RNF175: variants seen among roughly 807,000 people sequenced by gnomAD.
RNF175 encodes the protein ring finger protein 175.
In RNF175, 38 loss-of-function variants were observed where a neutral mutation model predicts 50.0. The ratio of observed to expected loss-of-function variants is 0.76; its 90% CI spans 0.59 to 1.00. The LOEUF (loss-of-function observed/expected upper bound fraction) is 1.00. Among genes scored for constraint, RNF175 ranks in the 50% least tolerant of loss-of-function variants. The probability of loss-of-function intolerance (pLI) is 0.00; values close to 1 mark genes in which losing one functional copy is unlikely to be tolerated. For synonymous variants in RNF175, 155 were observed against 146.1 expected, an observed-to-expected ratio of 1.06 and a Z score of -0.44; for missense variants, 388 against 409.6, an observed-to-expected ratio of 0.95 and a Z score of 0.46.
rs112645331 is a variant in RNF175 at position 153,742,236 on chromosome 4, T to C, written c.246+6409A>G. Among the ~76,000 whole-genome samples the C allele has an allele frequency of 8.5e-4, 116 of 135,900 alleles. 2 individuals are homozygous for C. Among genetic ancestry groups the C allele is most frequent in the African/African-American group, 3.1e-3 (110 of 35,538 alleles). 89.2% of individuals were successfully genotyped at this position (135,900 alleles called of 152,430 possible). A position where few individuals can be genotyped will look rare whatever the true frequency, so the allele number is the denominator to read the frequency against. On this transcript the variant is annotated intron_variant, in intron 3 of 8. Coordinates refer to ENST00000347063, the MANE Select transcript of RNF175 (RefSeq NM_173662.4). ...TTGCAGTGAGCCGAGATCATGCCACTGCACTCCACCTGGGTGACAGAGTGA... is the reference window on the plus strand; with the variant it reads ...TTGCAGTGAGCCGAGATCATGCCACCGCACTCCACCTGGGTGACAGAGTGA...
chr4:153,733,897 T>G (rs1195980049), intron 3 of RNF175, among the ~76,000 whole-genome samples: 2 of 152,196 alleles, frequency 1.3e-5, no homozygotes, highest in Non-Finnish European at 2.9e-5. Flanking sequence ...AACCACTGAT[T>G]GTTTTGCTGT....
intron 6 of RNF175, among the ~76,000 whole-genome samples, chr4:153,719,787 TCAA>T (rs892609753): frequency 1.3e-5 from 2 of 152,216 alleles, no homozygotes; most frequent in Admixed American, 1.3e-4. Flanking sequence ...TTATGCATCA[TCAA>T]CTATAGTTTT....
intron 6 of RNF175, among the ~76,000 whole-genome samples, chr4:153,717,517 A>G (rs1738007588): frequency 9.2e-6 from 1 of 108,150 alleles, no homozygotes; most frequent in African/African-American, 3.2e-5. Context: ...TAACACACAC[A>G]CACAGATACA....
At chr4:153,722,955 C>CAG (rs1490720444) in intron 5 of RNF175, among the ~76,000 whole-genome samples, 1 of 152,018 alleles carries the variant, frequency 6.6e-6, no homozygotes, top group East Asian at 1.9e-4. Flanking sequence ...GAGCTAGTGG[C>CAG]TACTATACTG....
chr4:153,728,191 T>G lies in RNF175; in HGVS notation c.401+16A>C. 1 of 1,567,778 alleles carries G rather than the reference T, an allele frequency of 6.4e-7. No homozygotes were observed. On this transcript the variant is annotated intron_variant, in intron 4 of 8. Transcript: ENST00000347063. ...AATAAAGGGGCTCCTGGGGAAGGAATGTATGGAATACATACCGTGGTGTCC... is the reference window on the plus strand; with the variant it reads ...AATAAAGGGGCTCCTGGGGAAGGAAGGTATGGAATACATACCGTGGTGTCC...
At chr4:153,727,103 G>A (rs1738743741) in intron 4 of RNF175, among the ~76,000 whole-genome samples, 2 of 152,254 alleles carry the variant, frequency 1.3e-5, no homozygotes, top group Non-Finnish European at 2.9e-5. Flanking sequence ...ATATCCAGGG[G>A]ATGAAAACAA....
chr4:153,715,567 C>A lies in RNF175; in HGVS notation c.726G>T (p.Gly242=). The A allele has an allele frequency of 1.2e-6, 2 of 1,611,610 alleles. No homozygotes were observed. Among genetic ancestry groups the A allele is most frequent in the South Asian group, 2.2e-5 (2 of 90,568 alleles). ...AAAGCTGGTAGGTGTTTTCAATGAG[C>A]CCTTCTTCATCAAGCTCCACAATGA... is the stretch of plus-strand genomic sequence containing the variant. ...QKIIVELDEE[G]LIENTYQLSC... is the part of the protein sequence containing the mutation. Residue 242 remains glycine (G), a synonymous_variant, in exon 7 of 9, where the codon GGG becomes GGT. Transcript: ENST00000347063.
chr4:153,716,723 A>G (rs186585277), intron 6 of RNF175, among the ~76,000 whole-genome samples: 30 of 152,366 alleles, frequency 2.0e-4, no homozygotes, highest in Non-Finnish European at 4.0e-4. Context: ...AGAAATTTGC[A>G]GAGCAGGTTG....
chr4:153,734,448 G>A (rs1007681604), intron 3 of RNF175, among the ~76,000 whole-genome samples: 1 of 151,896 alleles, frequency 6.6e-6, no homozygotes, highest in Admixed American at 6.6e-5. Flanking sequence ...GAGATGATGA[G>A]CTCCTTTTCA....
At chr4:153,757,701 C>T (rs1268762120) in intron 1 of RNF175, among the ~76,000 whole-genome samples, 1 of 151,804 alleles carries the variant, frequency 6.6e-6, no homozygotes, top group Non-Finnish European at 1.5e-5. Flanking sequence ...GAAATCCGAG[C>T]CTGGAAAGCA....
intron 3 of RNF175, among the ~76,000 whole-genome samples, chr4:153,743,111 G>A (rs1739766220): frequency 6.6e-6 from 1 of 152,136 alleles, no homozygotes; most frequent in Admixed American, 6.5e-5. Flanking sequence ...TAGTGTATCA[G>A]GCCGTAGTTT....
chr4:153,720,663 G>T, intron 5 of RNF175: 1 of 195,570 alleles, frequency 5.1e-6, no homozygotes, highest in Non-Finnish European at 1.1e-5. Context: ...TAACTCCAAT[G>T]GGCAGCTAAC....
rs1740748955 is a variant in RNF175, at chr4:153,759,908, G to C, written c.-46C>G. 5 of 1,202,332 alleles carry C rather than the reference G, an allele frequency of 4.2e-6. No homozygotes were observed. The highest frequency in any genetic ancestry group is 8.3e-5 in the Admixed American group (2 of 24,054). The allele number at this position is 1,202,332 out of a possible 1,614,324, so 74.5% of individuals were successfully genotyped here. A position where few individuals can be genotyped will look rare whatever the true frequency, so the allele number is the denominator to read the frequency against. On this transcript the variant is annotated 5_prime_UTR_variant, in exon 1 of 9. Transcript: ENST00000347063. ...TCCAGGGCACAGCGCCTGCCGGGGA[G>C]GGTCCCGCAGAGTCCGCAGAAGGAG...
intron 3 of RNF175, among the ~76,000 whole-genome samples, chr4:153,744,349 G>C (rs1739851912): frequency 6.6e-6 from 1 of 152,054 alleles, no homozygotes; most frequent in Non-Finnish European, 1.5e-5. Context: ...TTGAACCCGG[G>C]AGGTGGAGGT....
At chr4:153,723,289 G>T (rs2127110090) in intron 5 of RNF175, 62 bp downstream of exon 5, 1 of 799,656 alleles carries the variant, frequency 1.3e-6, no homozygotes, top group Non-Finnish European at 2.2e-6. Flanking sequence ...AAGAGAACAT[G>T]ACCAGGTGAG....
chr4:153,754,429 C>T (rs1740463162), intron 1 of RNF175, among the ~76,000 whole-genome samples: 1 of 152,110 alleles, frequency 6.6e-6, no homozygotes, highest in Non-Finnish European at 1.5e-5. Flanking sequence ...GCTTGGAAAT[C>T]CCGAGTCTGA....
rs910787878 is a variant in RNF175 at position 153,750,983 on chromosome 4, G to T, written c.104+455C>A. On this transcript the variant is annotated intron_variant, in intron 2 of 8. Transcript: ENST00000347063. ...AGTACTTTGAAAAGTATATATTGGTGTACAAATGTAGTAAGTATTTTCCTT... is the reference window on the plus strand; with the variant it reads ...AGTACTTTGAAAAGTATATATTGGTTTACAAATGTAGTAAGTATTTTCCTT... Among the ~76,000 whole-genome samples, 4 of 152,102 alleles carry T rather than the reference G, an allele frequency of 2.6e-5. No homozygotes were observed. The East Asian group carries it at 5.8e-4, about 22-fold the overall frequency.
At chr4:153,712,780 ATTTAC>A (rs1426834219) in intron 7 of RNF175, among the ~76,000 whole-genome samples, 1 of 151,898 alleles carries the variant, frequency 6.6e-6, no homozygotes, top group Admixed American at 6.6e-5. Flanking sequence ...ACCCTGAGGA[ATTTAC>A]TTAGCTTCTT....
In RNF175 at chr4:153,735,349, G is replaced by A. The variant is rs577618352; in HGVS notation, c.247-6988C>T. Among the ~76,000 whole-genome samples, 22 of 152,130 alleles carry A rather than the reference G, an allele frequency of 1.4e-4. No individual in the cohort carries two copies. In the South Asian group the frequency reaches 3.9e-3, roughly 27 times the overall value. ...GATCAGTGACTGTATTTGTTTGGGG[G>A]TCTATTTGTGGGCTCTCTATTCTGT... On this transcript the variant is annotated intron_variant, in intron 3 of 8. Coordinates refer to ENST00000347063, the MANE Select transcript of RNF175 (RefSeq NM_173662.4).
Sources: gnomAD v4.1 joint callset for allele counts (sites outside exome capture counted in the v4.1 genomes callset) on GRCh38, gnomAD v4.1.1 for gene constraint, MANE v1.5 for transcripts, NCBI Gene and HGNC (gene_info 2026-07-23, HGNC 2026-07-21) for gene names.